PADI4: variants seen among roughly 807,000 people sequenced by gnomAD.
PADI4 encodes the protein peptidyl arginine deiminase 4, also known as protein-arginine deiminase type-4.
A neutral mutation model predicts 75.0 loss-of-function variants in PADI4; 62 were observed. The ratio of observed to expected loss-of-function variants is 0.83; its 90% CI spans 0.67 to 1.02. PADI4 has a LOEUF of 1.02. PADI4 is among the 50% of genes least tolerant of loss of function. PADI4 has a pLI of 0.00. For missense variants in PADI4, 845 were observed against 850.5 expected (o/e 0.99, Z 0.08); for synonymous variants, 361 against 348.1 (o/e 1.04, Z -0.41).
intron 1 of PADI4, among the ~76,000 whole-genome samples, chr1:17,326,673 G>A (rs2074121606): frequency 6.6e-6 from 1 of 152,150 alleles, no homozygotes. Flanking sequence ...TGACCCGTGT[G>A]TGCTTTGCTT....
In PADI4 at chr1:17,356,002, C is replaced by T. The variant is rs1456248384; in HGVS notation, c.1330C>T (p.His444Tyr). Reference protein sequence around the residue: ...CYPSNDSRQMHQALQDFLSAQ... With the variant: ...CYPSNDSRQMYQALQDFLSAQ... ...TGACAGCAATGACAGCCGGCAGATG[C>T]ACCAGGCCCTGCAGGACTTCCTCAG... The change falls in exon 12 of 16, where the codon CAC (histidine) becomes TAC (tyrosine). Residue 444 changes from histidine to tyrosine, a missense_variant. Transcript: ENST00000375448. The surrounding 1 kb of genome is among the most constrained non-coding windows in gnomAD (Gnocchi z 4.1). 1.2e-6 allele frequency: 2 copies of T among 1,614,194 alleles called. No individual in the cohort carries two copies. Among genetic ancestry groups the T allele is most frequent in the Non-Finnish European group, 8.5e-7 (1 of 1,180,028 alleles).
At position 17,348,045 on chromosome 1, in the gene PADI4, G is replaced by A; in HGVS notation, c.1152G>A (p.Val384=). 1.3e-6 allele frequency: 2 copies of A among 1,583,614 alleles called. No individual in the cohort carries two copies. The highest frequency in any genetic ancestry group is 1.7e-6 in the Non-Finnish European group (2 of 1,152,570). ...RGLKEFPIKR[V]MGPDFGYVTR... The stretch of plus-strand genomic sequence containing the variant: ...TGAAGGAGTTTCCCATCAAACGCGT[G>A]ATGGTACCTGCATGGGGTGGGGAGG... Residue 384 remains valine (V), a synonymous_variant, in exon 10 of 16, where the codon GTG becomes GTA. Transcript: ENST00000375448.
chr1:17,352,059 ATGGGAGG>A (rs1194746511), intron 10 of PADI4, among the ~76,000 whole-genome samples: 1 of 123,618 alleles, frequency 8.1e-6, no homozygotes, highest in Non-Finnish European at 1.7e-5. Flanking sequence ...CAGGGAGGTG[ATGGGAGG>A]TGGGAAGAGA....
intron 1 of PADI4, among the ~76,000 whole-genome samples, chr1:17,330,274 G>A (rs754963098): frequency 3.9e-5 from 6 of 152,146 alleles, no homozygotes; most frequent in East Asian, 1.9e-4. Flanking sequence ...TACTCCCCAC[G>A]GTCAGAGTAA....
intron 9 of PADI4, 147 bp from the exon 10 acceptor site, chr1:17,347,794 C>T (rs2074543760): frequency 2.1e-6 from 1 of 481,586 alleles, no homozygotes. Context: ...GCTTCTGAGC[C>T]CCTTCTCTGA....
chr1:17,314,531 G>T (rs1194525842), intron 1 of PADI4, among the ~76,000 whole-genome samples: 2 of 152,264 alleles, frequency 1.3e-5, no homozygotes, highest in East Asian at 3.9e-4. Flanking sequence ...GTTATTATTA[G>T]TAGCCGTCCC....
At chr1:17,337,455 T>TATTTAACAGCC (rs1553146350) in intron 4 of PADI4, among the ~76,000 whole-genome samples, 2 of 152,264 alleles carry the variant, frequency 1.3e-5, no homozygotes, top group East Asian at 3.9e-4. Context: ...CAACATTTCT[T>TATTTAACAGCC]AAAAGCTGTT....
chr1:17,354,616 C>G lies in PADI4; in HGVS notation c.1239C>G (p.Ser413Arg). 1 of 1,613,686 alleles carries G rather than the reference C, an allele frequency of 6.2e-7. No individual in the cohort carries two copies. The highest frequency in any genetic ancestry group is 1.3e-5 in the African/African-American group (1 of 75,016). Residue 413 changes from serine to arginine, a missense_variant, in exon 11 of 16, where the codon AGC (serine) becomes AGG (arginine). Physicochemically the swap from Ser to Arg is moderately radical, Grantham distance 110. Transcript: ENST00000375448. ...GLDSFGNLEV[S>R]PPVTVRGKEY... ...ACTCCTTTGGGAACCTGGAAGTGAGCCCCCCAGTCACAGTCAGGGGCAAGG... is the reference window on the plus strand; with the variant it reads ...ACTCCTTTGGGAACCTGGAAGTGAGGCCCCCAGTCACAGTCAGGGGCAAGG...
intron 13 of PADI4, among the ~76,000 whole-genome samples, chr1:17,357,930 C>CA (rs774236922): frequency 0.014 from 478 of 35,146 alleles, 3 homozygotes; most frequent in African/African-American, 0.062. Context: ...GACTCAGTCT[C>CA]AAAAAAAAAA....
In PADI4 at chr1:17,363,679, G is replaced by A. The variant is rs1570108237; in HGVS notation, c.1916G>A (p.Arg639Lys). The A allele has an allele frequency of 6.2e-7, 1 of 1,614,156 alleles. No individual in the cohort carries two copies. The highest frequency in any genetic ancestry group is 1.6e-4 in the Middle Eastern group (1 of 6,062). The change falls in exon 16 of 16, where the codon AGG becomes AAG. Residue 639 changes from arginine (R) to lysine (K), a missense_variant. Transcript: ENST00000375448. ...AACGACTTCTTCACCTACCACATCA[G>A]GCATGGGGAGGTGCACTGCGGCACC... ...FINDFFTYHI[R>K]HGEVHCGTNV...
At chr1:17,316,879 T>C (rs2073950360) in intron 1 of PADI4, among the ~76,000 whole-genome samples, 1 of 151,852 alleles carries the variant, frequency 6.6e-6, no homozygotes. Context: ...GGGCAGAGCC[T>C]CAGTGTGCTC....
rs772708190 is a variant in PADI4 at position 17,363,536 on chromosome 1, G to A, written c.1773G>A (p.Val591=). ...AFFPNMVNML[V]LGKHLGIPKP... ...CTTCCCTGCAGGTGAACATGCTGGTGCTAGGGAAGCACCTGGGCATCCCCA... is the reference window on the plus strand; with the variant it reads ...CTTCCCTGCAGGTGAACATGCTGGTACTAGGGAAGCACCTGGGCATCCCCA... The change falls in exon 16 of 16, where the codon GTG becomes GTA. Residue 591 remains valine (V), a synonymous_variant. Coordinates refer to ENST00000375448, the MANE Select transcript of PADI4 (RefSeq NM_012387.3). The A allele has an allele frequency of 6.2e-7, 1 of 1,612,510 alleles. No individual in the cohort carries two copies. Among genetic ancestry groups the A allele is most frequent in the Non-Finnish European group, 8.5e-7 (1 of 1,178,948 alleles).
At chr1:17,340,424 C>T (rs2074397211) in intron 6 of PADI4, among the ~76,000 whole-genome samples, 1 of 151,858 alleles carries the variant, frequency 6.6e-6, no homozygotes, top group East Asian at 1.9e-4. Flanking sequence ...GAGAGGGTGG[C>T]CAGGGAAGGT....
intron 1 of PADI4, among the ~76,000 whole-genome samples, chr1:17,322,493 C>CCA (rs397830532): frequency 4.7e-5 from 7 of 149,534 alleles, no homozygotes; most frequent in Admixed American, 4.0e-4. Context: ...CATCCCCCCC[C>CCA]AAAAAAAAAG....
chr1:17,347,290 C>A (rs2074534038), intron 9 of PADI4, among the ~76,000 whole-genome samples: 1 of 152,114 alleles, frequency 6.6e-6, no homozygotes, highest in Non-Finnish European at 1.5e-5. Context: ...CTGATATGTG[C>A]CATTTTTGAT....
intron 6 of PADI4, 93 bp downstream of exon 6, chr1:17,339,906 A>G: frequency 1.5e-6 from 2 of 1,377,886 alleles, no homozygotes; most frequent in Non-Finnish European, 2.0e-6. Flanking sequence ...CTGAGCACCT[A>G]CTATGTGCCA....
intron 11 of PADI4, 81 bp downstream of exon 11, chr1:17,354,768 C>A: frequency 7.5e-7 from 1 of 1,333,584 alleles, no homozygotes; most frequent in South Asian, 1.5e-5. Context: ...GAAGCCTTGC[C>A]TTCCTGCTTC....
At position 17,331,053 on chromosome 1, in the gene PADI4, G is replaced by C. The variant is rs1254902955; in HGVS notation, c.177G>C (p.Lys59Asn). The C allele has an allele frequency of 1.2e-6, 2 of 1,610,678 alleles. No homozygotes were observed. Residue 59 changes from lysine (K) to asparagine (N), a missense_variant, in exon 2 of 16, where the codon AAG becomes AAC. Transcript: ENST00000375448. ...ATATTGCCCACGGCCCTCCAGCCAA[G>C]AAGAAATCCACAGGTTCCTCCACAT... Reference protein sequence around the residue: ...VVDIAHGPPAKKKSTGSSTWP... With the variant: ...VVDIAHGPPANKKSTGSSTWP...
At chr1:17,332,927 C>A (rs1312520407) in intron 2 of PADI4, among the ~76,000 whole-genome samples, 1 of 152,228 alleles carries the variant, frequency 6.6e-6, no homozygotes, top group East Asian at 1.9e-4. Context: ...AGGCTGTGTG[C>A]ACTCTCTGGA....
Sources: allele counts gnomAD v4.1 joint callset (sites outside exome capture counted in the v4.1 genomes callset), GRCh38; gene constraint gnomAD v4.1.1; non-coding constraint Gnocchi (gnomAD v3.1); transcripts MANE v1.5; gene names NCBI Gene and HGNC (gene_info 2026-07-23, HGNC 2026-07-21).